The following SNTG2 variants were observed in gnomAD, a reference collection of about 807,000 sequenced individuals.
SNTG2 encodes the protein gamma-2-syntrophin.
SNTG2 carries 74 observed loss-of-function variants against 70.9 expected under a neutral mutation model. That is an observed-to-expected ratio of 1.04 (90% confidence interval 0.86 to 1.27). SNTG2 has a LOEUF of 1.27. SNTG2 is among the 50% of genes most tolerant of loss of function. The probability of loss-of-function intolerance (pLI) is 0.00; values close to 1 mark genes in which losing one functional copy is unlikely to be tolerated. For synonymous variants in SNTG2, 278 were observed against 273.8 expected (o/e 1.02, Z -0.15); for missense variants, 717 against 690.7 (o/e 1.04, Z -0.43).
At chr2:1,076,163 T>G (rs1335151971) in intron 1 of SNTG2, among the ~76,000 whole-genome samples, 2 of 152,224 alleles carry the variant, frequency 1.3e-5, no homozygotes, top group Non-Finnish European at 2.9e-5. Context: ...ACCTTCAATC[T>G]TTGGTAGACC....
intron 1 of SNTG2, among the ~76,000 whole-genome samples, chr2:994,718 C>T (rs1018221321): frequency 1.3e-5 from 2 of 151,778 alleles, no homozygotes; most frequent in Non-Finnish European, 2.9e-5. Flanking sequence ...TTAGTTCTTC[C>T]ATTTATTTAG....
chr2:1,017,860 T>C (rs1659956000), intron 1 of SNTG2, among the ~76,000 whole-genome samples: 1 of 152,082 alleles, frequency 6.6e-6, no homozygotes, highest in East Asian at 1.9e-4. Flanking sequence ...GAGCACACAG[T>C]GGGTGTTCTA....
intron 1 of SNTG2, among the ~76,000 whole-genome samples, chr2:1,076,680 A>G (rs987700184): frequency 1.3e-5 from 2 of 152,206 alleles, no homozygotes; most frequent in East Asian, 1.9e-4. Context: ...TGCATAAATA[A>G]ATTAAAAAGC....
rs931848537 is a variant in SNTG2 at position 1,232,959 on chromosome 2, C to T, written c.720-4929C>T. ...AGTAAACAGGCATGTGTGCAATGCA[C>T]ACCTTTCCTCTCTGTTACCACAGGC... On this transcript the variant is annotated intron_variant, in intron 9 of 16. Transcript: ENST00000308624. Among the ~76,000 whole-genome samples, 6 of 152,224 alleles carry T rather than the reference C, an allele frequency of 3.9e-5. No individual in the cohort carries two copies. In the South Asian group the frequency reaches 6.2e-4, roughly 16 times the overall value.
chr2:1,044,128 G>A (rs113224423), intron 1 of SNTG2, among the ~76,000 whole-genome samples: 3,656 of 151,806 alleles, frequency 0.024, 148 homozygotes, highest in African/African-American at 0.084. Context: ...TTTCACCACC[G>A]CTGCCCCCCC....
At chr2:965,097 T>G (rs914948261) in intron 1 of SNTG2, among the ~76,000 whole-genome samples, 13 of 150,422 alleles carry the variant, frequency 8.6e-5, no homozygotes, top group Admixed American at 2.0e-4. Context: ...TGGACTCCAG[T>G]TCTCCTCCTT....
intron 6 of SNTG2, among the ~76,000 whole-genome samples, chr2:1,154,004 A>C (rs1055679581): frequency 6.6e-6 from 1 of 152,274 alleles, no homozygotes; most frequent in African/African-American, 2.4e-5. Flanking sequence ...AAAGTCGAAT[A>C]GAAATCTCTT....
At chr2:1,206,116 G>A (rs900352317) in intron 8 of SNTG2, among the ~76,000 whole-genome samples, 2 of 152,170 alleles carry the variant, frequency 1.3e-5, no homozygotes, top group Admixed American at 1.3e-4. Flanking sequence ...GTGATCAGCT[G>A]GTAGGAACAT....
intron 12 of SNTG2, among the ~76,000 whole-genome samples, chr2:1,248,609 T>G (rs542421490): frequency 7.9e-5 from 12 of 152,350 alleles, no homozygotes; most frequent in African/African-American, 2.4e-4. Flanking sequence ...CTCCATATTT[T>G]CAAATTCAAG....
At chr2:996,673 G>GTTTTTTTTTTTTT in intron 1 of SNTG2, among the ~76,000 whole-genome samples, 453 of 35,090 alleles carry the variant, frequency 0.013, 103 homozygotes, top group East Asian at 0.021. Flanking sequence ...GAGTTACCCA[G>GTTTTTTTTTTTTT]TTTTTTTTTT....
chr2:1,034,819 A>C (rs1310972405), intron 1 of SNTG2, among the ~76,000 whole-genome samples: 1 of 152,238 alleles, frequency 6.6e-6, no homozygotes, highest in Non-Finnish European at 1.5e-5. Context: ...TTGAGGCAGA[A>C]AATTAACAAA....
Position 1,367,343 on chromosome 2 carries a change from G to A in SNTG2, c.1489G>A (p.Glu497Lys). The A allele has an allele frequency of 1.3e-6, 2 of 1,529,208 alleles. No homozygotes were observed. The highest frequency in any genetic ancestry group is 1.8e-6 in the Non-Finnish European group (2 of 1,138,364). 94.7% of individuals were successfully genotyped at this position (1,529,208 alleles called of 1,614,324 possible). A position where few individuals can be genotyped will look rare whatever the true frequency, so the allele number is the denominator to read the frequency against. Residue 497 changes from glutamate (E) to lysine (K), a missense_variant and splice_region_variant, in exon 17 of 17, where the codon GAA becomes AAA. Physicochemically the swap from Glu to Lys is moderately conservative, Grantham distance 56 (BLOSUM62 1). Coordinates refer to ENST00000308624, the MANE Select transcript of SNTG2 (RefSeq NM_018968.4). ...NLDTKQIETK[E>K]LEFQDLRAVL... The stretch of plus-strand genomic sequence containing the variant: ...CACTTGATCTGATTTTCTCCTCCAG[G>A]AACTCGAGTTCCAGGACCTGAGGGC...
intron 2 of SNTG2, among the ~76,000 whole-genome samples, chr2:1,088,379 G>A (rs997775386): frequency 1.1e-4 from 17 of 152,002 alleles, no homozygotes; most frequent in East Asian, 7.7e-4. Context: ...TGTGTGTGTC[G>A]CCTAACCTGT....
intron 2 of SNTG2, among the ~76,000 whole-genome samples, chr2:1,096,482 C>T (rs1665398122): frequency 6.6e-6 from 1 of 151,996 alleles, no homozygotes; most frequent in African/African-American, 2.4e-5. Context: ...TGCACCTCCG[C>T]CCCCCAACCC....
In SNTG2 at chr2:1,083,630, T is replaced by C. The variant is rs1023315875; in HGVS notation, c.185T>C (p.Val62Ala). 6.2e-7 allele frequency: 1 copy of C among 1,613,742 alleles called. No individual in the cohort carries two copies. The highest frequency in any genetic ancestry group is 1.3e-5 in the African/African-American group (1 of 75,028). Residue 62 changes from valine (V) to alanine (A), a missense_variant, in exon 2 of 17, where the codon GTG becomes GCG. Transcript: ENST00000308624. ...LTIQKQDVVC[V>A]GGSHQGRNRR... ...ATTCAGAAACAAGATGTTGTCTGTGTGGGCGGAAGCCACCAGGGCAGGAAT... is the reference window on the plus strand; with the variant it reads ...ATTCAGAAACAAGATGTTGTCTGTGCGGGCGGAAGCCACCAGGGCAGGAAT...
chr2:1,102,989 AG>A (rs1665880786), intron 4 of SNTG2, among the ~76,000 whole-genome samples: 2 of 152,172 alleles, frequency 1.3e-5, no homozygotes, highest in Non-Finnish European at 2.9e-5. Flanking sequence ...TGTACCGTTG[AG>A]GTGCGGCCTG....
At chr2:1,117,712 C>T (rs1667126553) in intron 4 of SNTG2, among the ~76,000 whole-genome samples, 1 of 152,230 alleles carries the variant, frequency 6.6e-6, no homozygotes. Context: ...CCTGCCTCCC[C>T]AGGGCATGGA....
intron 10 of SNTG2, among the ~76,000 whole-genome samples, 178 bp from the exon 11 acceptor site, chr2:1,239,560 T>C (rs1034044819): frequency 2.6e-5 from 4 of 152,250 alleles, no homozygotes; most frequent in African/African-American, 9.6e-5. Flanking sequence ...CTAGTAAAGT[T>C]GTTTTCTACT....
chr2:1,330,230 A>G (rs1027536746), intron 16 of SNTG2, among the ~76,000 whole-genome samples: 2 of 152,222 alleles, frequency 1.3e-5, no homozygotes, highest in South Asian at 2.1e-4. Flanking sequence ...TGGGTCCCCT[A>G]AAAGGTCAAA....
Sources: gnomAD v4.1 joint callset for allele counts (sites outside exome capture counted in the v4.1 genomes callset) on GRCh38, gnomAD v4.1.1 for gene constraint, MANE v1.5 for transcripts, NCBI Gene and HGNC (gene_info 2026-07-23, HGNC 2026-07-21) for gene names.